The following DDX54 variants were observed in gnomAD, a reference collection of about 807,000 sequenced individuals.
DDX54 encodes the protein DEAD-box helicase 54, also known as ATP-dependent RNA helicase DDX54.
In DDX54, 67 loss-of-function variants were observed where a neutral mutation model predicts 105.5. That is an observed-to-expected ratio of 0.64 (90% CI 0.52 to 0.78). DDX54 has a LOEUF of 0.78. Ranked by LOEUF, DDX54 falls within the 30% of genes least tolerant of loss-of-function variation. The pLI is 0.00. For missense variants in DDX54, 1,206 were observed against 1,230.5 expected (o/e 0.98, Z 0.30); for synonymous variants, 514 against 509.9 (o/e 1.01, Z -0.11).
chr12:113,164,380 A>G (rs1952248968), intron 14 of DDX54, 95 bp from the exon 15 acceptor site: 6 of 1,397,166 alleles, frequency 4.3e-6, no homozygotes, highest in Non-Finnish European at 4.8e-6. Flanking sequence ...TTCTTCCCCA[A>G]GTCTTCCCCA....
At chr12:113,160,146 A>G (rs1016302186) in intron 19 of DDX54, among the ~76,000 whole-genome samples, 5 of 152,320 alleles carry the variant, frequency 3.3e-5, no homozygotes, top group African/African-American at 7.2e-5. Flanking sequence ...GTCCCCACCC[A>G]GCCATGCTGA....
chr12:113,171,085 T>C (rs994495083), intron 11 of DDX54, among the ~76,000 whole-genome samples: 1 of 152,162 alleles, frequency 6.6e-6, no homozygotes, highest in African/African-American at 2.4e-5. Context: ...AGAAATTCCC[T>C]TTGGGGGCGT....
chr12:113,159,774 C>T (rs182434178), intron 19 of DDX54, among the ~76,000 whole-genome samples: 105 of 152,262 alleles, frequency 6.9e-4, no homozygotes, highest in Admixed American at 5.7e-3. Context: ...CTGCCCCAGC[C>T]CCACAGGTGG....
At chr12:113,178,942 G>A in intron 5 of DDX54, 35 bp downstream of exon 5, 1 of 1,612,258 alleles carries the variant, frequency 6.2e-7, no homozygotes, top group Non-Finnish European at 8.5e-7. Context: ...GTGCCTGCAT[G>A]GTGGTGACCC....
At chr12:113,160,069 G>A (rs765364557) in intron 19 of DDX54, among the ~76,000 whole-genome samples, 1 of 152,196 alleles carries the variant, frequency 6.6e-6, no homozygotes, top group Non-Finnish European at 1.5e-5. Flanking sequence ...CCACTGCACG[G>A]CAATGCTCGC....
intron 1 of DDX54, 46 bp downstream of exon 1, chr12:113,185,232 A>C: frequency 6.9e-7 from 1 of 1,446,802 alleles, no homozygotes; most frequent in Non-Finnish European, 9.1e-7. Context: ...CGCTGCCCGG[A>C]GCCGGGTCTC....
chr12:113,177,164 C>A, intron 5 of DDX54, 71 bp from the exon 6 acceptor site: 2 of 1,571,952 alleles, frequency 1.3e-6, no homozygotes, highest in Non-Finnish European at 1.7e-6. Flanking sequence ...ACCAAATGTC[C>A]AGGCAAGGCT....
rs183462514 is a variant in DDX54, at chr12:113,171,877, G to A, written c.1279+476C>T. Among the ~76,000 whole-genome samples, 101 of 152,220 alleles carry A rather than the reference G, an allele frequency of 6.6e-4. 1 individual carries two copies. The highest frequency in any genetic ancestry group is 2.3e-3 in the African/African-American group (97 of 41,542). On this transcript the variant is annotated intron_variant, in intron 11 of 19. Transcript: ENST00000306014. ...CTGCGTCTCAATAAACCCAATAGCC[G>A]TCAAAAACACACGCACGGCACCTAA...
At chr12:113,183,781 CTTT>C (rs762497083) in intron 1 of DDX54, 4 of 144,190 alleles carry the variant, frequency 2.8e-5, no homozygotes, top group Non-Finnish European at 6.1e-5. Flanking sequence ...TGGGATCTCC[CTTT>C]TTTTTTTTTT....
At chr12:113,168,584 G>A (rs4767064) in intron 12 of DDX54, among the ~76,000 whole-genome samples, 38,423 of 152,210 alleles carry the variant, frequency 0.25, 6,102 homozygotes, top group Middle Eastern at 0.38. Flanking sequence ...TGGAGGCCAT[G>A]GTGATTGCTA....
chr12:113,166,946 G>T (rs1393526294), intron 12 of DDX54, among the ~76,000 whole-genome samples: 14 of 152,180 alleles, frequency 9.2e-5, no homozygotes, highest in Admixed American at 6.5e-4. Flanking sequence ...AAGAGCAGAG[G>T]ATGCCGGGGA....
chr12:113,165,851 C>G lies in DDX54; in HGVS notation c.1596G>C (p.Lys532Asn). ...CCACAAGGTCCATCTCCTTGGCCCT[C>G]TTGATGGACTCAGGCGAGGGCGCCG... Reference protein sequence around the residue: ...SRPAPSPESIKRAKEMDLVGL... With the variant: ...SRPAPSPESINRAKEMDLVGL... Residue 532 changes from lysine (K) to asparagine (N), a missense_variant, in exon 13 of 20, where the codon AAG becomes AAC. Coordinates refer to ENST00000306014, the MANE Select transcript of DDX54 (RefSeq NM_024072.4). The G allele has an allele frequency of 6.2e-7, 1 of 1,613,076 alleles. No individual in the cohort carries two copies. The highest frequency in any genetic ancestry group is 8.5e-7 in the Non-Finnish European group (1 of 1,179,566).
intron 1 of DDX54, among the ~76,000 whole-genome samples, chr12:113,184,188 C>T (rs1287815980): frequency 1.3e-5 from 2 of 152,022 alleles, no homozygotes; most frequent in Non-Finnish European, 2.9e-5. Context: ...TCAGGTGATC[C>T]GCCTGCCTCA....
At chr12:113,161,702 T>G (rs1420170500) in intron 18 of DDX54, among the ~76,000 whole-genome samples, 191 bp downstream of exon 18, 7 of 142,430 alleles carry the variant, frequency 4.9e-5, no homozygotes, top group Non-Finnish European at 7.6e-5. Flanking sequence ...TAGTTCGAGA[T>G]GCTGCTGCTG....
chr12:113,172,092 CA>C (rs1051335864), intron 11 of DDX54, among the ~76,000 whole-genome samples: 1 of 147,486 alleles, frequency 6.8e-6, no homozygotes, highest in African/African-American at 2.5e-5. Context: ...ATTGTAAAGT[CA>C]AAAAAACCAT....
rs2136316517 is a variant in DDX54 at position 113,165,844 on chromosome 12, T to G, written c.1603A>C (p.Lys535Gln). The G allele has an allele frequency of 6.2e-7, 1 of 1,612,716 alleles. No individual in the cohort carries two copies. The highest frequency in any genetic ancestry group is 8.5e-7 in the Non-Finnish European group (1 of 1,179,330). ...APSPESIKRA[K>Q]EMDLVGLGLH... ...CCCAGCCCCACAAGGTCCATCTCCTTGGCCCTCTTGATGGACTCAGGCGAG... is the reference window on the plus strand; with the variant it reads ...CCCAGCCCCACAAGGTCCATCTCCTGGGCCCTCTTGATGGACTCAGGCGAG... The change falls in exon 13 of 20, where the codon AAG (lysine) becomes CAG (glutamine). Residue 535 changes from lysine (K) to glutamine (Q), a missense_variant. Physicochemically the swap from Lys to Gln is moderately conservative, Grantham distance 53. Transcript: ENST00000306014.
chr12:113,185,186 G>A, intron 1 of DDX54, 92 bp downstream of exon 1: 1 of 1,399,946 alleles, frequency 7.1e-7, no homozygotes, highest in East Asian at 2.8e-5. Flanking sequence ...ACTCTGCGGA[G>A]CCCAATCCCC....
At chr12:113,165,605 C>A in intron 14 of DDX54, 39 bp downstream of exon 14, 2 of 1,561,054 alleles carry the variant, frequency 1.3e-6, no homozygotes, top group Non-Finnish European at 8.7e-7. Context: ...CTCCACAGAG[C>A]CAGGACTCAG....
At position 113,166,012 on chromosome 12, in the gene DDX54, T is replaced by G. The variant is rs892978626; in HGVS notation, c.1435A>C (p.Met479Leu). The change falls in exon 13 of 20, where the codon ATG becomes CTG. Residue 479 changes from methionine (M) to leucine (L), a missense_variant. Transcript: ENST00000306014. ...ACACTCTGTGGCACCCGACCCAGCATGCCATCCACACCGGCCACACCTGCA... is the reference window on the plus strand; with the variant it reads ...ACACTCTGTGGCACCCGACCCAGCAGGCCATCCACACCGGCCACACCTGCA... ...EPSGVAGVDG[M>L]LGRVPQSVVD... 2 of 1,608,552 alleles carry G rather than the reference T, an allele frequency of 1.2e-6. No homozygotes were observed. Among genetic ancestry groups the G allele is most frequent in the African/African-American group, 2.7e-5 (2 of 75,044 alleles).
Sources: allele counts gnomAD v4.1 joint callset (sites outside exome capture counted in the v4.1 genomes callset), GRCh38; gene constraint gnomAD v4.1.1; transcripts MANE v1.5; gene names NCBI Gene and HGNC (gene_info 2026-07-23, HGNC 2026-07-21).